Variants in SLC4A4 observed in about 807,000 individuals in gnomAD.
The protein encoded by SLC4A4 is solute carrier family 4 member 4, also known as electrogenic sodium bicarbonate cotransporter 1.
A neutral mutation model predicts 111.5 loss-of-function variants in SLC4A4; 27 were observed. That is an observed-to-expected ratio of 0.24 (90% confidence interval 0.18 to 0.33). SLC4A4 has a LOEUF of 0.33. Ranked by LOEUF, SLC4A4 falls within the 10% of genes least tolerant of loss-of-function variation. The pLI is 1.00. For missense variants in SLC4A4, 909 were observed against 1,315.5 expected (o/e 0.69, Z 4.78); for synonymous variants, 443 against 463.4 (o/e 0.96, Z 0.57).
intron 1 of SLC4A4, among the ~76,000 whole-genome samples, chr4:71,088,234 CT>C (rs566407120): frequency 0.12 from 17,025 of 145,212 alleles, 1,362 homozygotes; most frequent in African/African-American, 0.23. Context: ...CAATACCTGC[CT>C]TTTTTTTTTT....
chr4:71,374,946 C>G (rs866170404), intron 6 of SLC4A4, among the ~76,000 whole-genome samples: 39 of 152,310 alleles, frequency 2.6e-4, no homozygotes, highest in African/African-American at 9.4e-4. Context: ...TTTCTCCCTT[C>G]TTTCGGACTT....
intron 2 of SLC4A4, among the ~76,000 whole-genome samples, chr4:71,129,665 A>G (rs994602986): frequency 6.6e-6 from 1 of 152,010 alleles, no homozygotes; most frequent in Non-Finnish European, 1.5e-5. Context: ...CACACATCAC[A>G]TGTATGTTCA....
intron 15 of SLC4A4, among the ~76,000 whole-genome samples, chr4:71,490,504 G>T (rs1194041430): frequency 6.6e-6 from 1 of 151,710 alleles, no homozygotes; most frequent in Non-Finnish European, 1.5e-5. Flanking sequence ...CTTTTTGGGG[G>T]ATCTTTCTTT....
At chr4:71,177,602 A>T (rs1745138980) in intron 2 of SLC4A4, among the ~76,000 whole-genome samples, 2 of 152,240 alleles carry the variant, frequency 1.3e-5, no homozygotes, top group Non-Finnish European at 2.9e-5. Flanking sequence ...ATAATGGTAA[A>T]GGGATCAATT....
At chr4:71,529,670 T>C (rs1408433813) in intron 16 of SLC4A4, among the ~76,000 whole-genome samples, 2 of 152,162 alleles carry the variant, frequency 1.3e-5, no homozygotes, top group African/African-American at 2.4e-5. Flanking sequence ...TGGGAATTTC[T>C]ACCAAAGAAT....
intron 3 of SLC4A4, among the ~76,000 whole-genome samples, chr4:71,317,079 T>C (rs1256748488): frequency 6.3e-4 from 14 of 22,384 alleles, no homozygotes; most frequent in Non-Finnish European, 1.2e-3. Context: ...TGTGTGCGTG[T>C]GTGTGTGTGT....
At chr4:71,284,864 T>C (rs928763704) in intron 3 of SLC4A4, among the ~76,000 whole-genome samples, 1 of 152,226 alleles carries the variant, frequency 6.6e-6, no homozygotes, top group Admixed American at 6.5e-5. Flanking sequence ...GGTTTCCTGA[T>C]GTTCCCTGAC....
intron 1 of SLC4A4, among the ~76,000 whole-genome samples, chr4:71,075,016 T>G (rs1741769475): frequency 6.6e-6 from 1 of 152,062 alleles, no homozygotes; most frequent in South Asian, 2.1e-4. Context: ...CAAGGCTTAA[T>G]TCAGAAGCCA....
chr4:71,101,447 T>G (rs77150542), intron 2 of SLC4A4, among the ~76,000 whole-genome samples: 123 of 152,308 alleles, frequency 8.1e-4, no homozygotes, highest in African/African-American at 2.8e-3. Flanking sequence ...AATTATATTC[T>G]TACTGTTGTG....
At chr4:71,557,561 C>T (rs1466704042) in intron 21 of SLC4A4, 151 bp from the exon 22 acceptor site, 1 of 741,910 alleles carries the variant, frequency 1.3e-6, no homozygotes, top group African/African-American at 1.7e-5. Flanking sequence ...GTGTGCTTGA[C>T]TAAATTTCTG....
chr4:71,315,918 G>T lies in SLC4A4; in HGVS notation c.254-23452G>T, dbSNP rs191134320. ...GTTCCATTTCACCACTTCCTGGGTA[G>T]TGACAGTGGTACAATCTTTAGCTTC... On this transcript the variant is annotated intron_variant, in intron 3 of 25. Transcript: ENST00000264485. 3.6e-3 allele frequency among the ~76,000 whole-genome samples: 544 copies of T among 152,232 alleles called. 3 individuals carry two copies. The highest frequency in any genetic ancestry group is 0.011 in the African/African-American group (478 of 41,566).
intron 2 of SLC4A4, among the ~76,000 whole-genome samples, chr4:71,095,301 G>T (rs1412163361): frequency 6.6e-6 from 1 of 152,210 alleles, no homozygotes; most frequent in African/African-American, 2.4e-5. Flanking sequence ...TTTCAGGAGG[G>T]AGGCTAAAGG....
intron 2 of SLC4A4, among the ~76,000 whole-genome samples, chr4:71,139,270 T>C (rs990157941): frequency 7.3e-5 from 11 of 151,644 alleles, no homozygotes; most frequent in Middle Eastern, 3.2e-3. Flanking sequence ...TGACTTTTGG[T>C]GTGAATTGGC....
intron 10 of SLC4A4, 121 bp downstream of exon 10, chr4:71,450,664 G>C: frequency 2.1e-6 from 2 of 954,370 alleles, no homozygotes; most frequent in Non-Finnish European, 3.2e-6. Context: ...TGTTTAACTT[G>C]ATGTATTTTC....
At chr4:71,162,073 A>G (rs1393707858) in intron 2 of SLC4A4, among the ~76,000 whole-genome samples, 3 of 152,206 alleles carry the variant, frequency 2.0e-5, no homozygotes, top group Admixed American at 6.5e-5. Flanking sequence ...TTCAATCAAC[A>G]TCACTTTGAA....
rs1168065621 is a variant in SLC4A4 at position 71,227,665 on chromosome 4, A to G, written c.-1-8911A>G. ...GTTTGGGTCTGGCTCTTGGTTGAAG[A>G]GCTGATGGTGGTGGGGAGGAGGGGA... On this transcript the variant is annotated intron_variant, in intron 1 of 25. Coordinates refer to ENST00000264485, the MANE Select transcript of SLC4A4 (RefSeq NM_001098484.3). Among the ~76,000 whole-genome samples the G allele has an allele frequency of 6.6e-5, 10 of 151,858 alleles. No homozygotes were observed. The East Asian group carries it at 1.9e-3, about 29-fold the overall frequency.
chr4:71,499,913 C>A (rs563460540), intron 16 of SLC4A4, among the ~76,000 whole-genome samples: 6 of 152,232 alleles, frequency 3.9e-5, no homozygotes, highest in Admixed American at 3.3e-4. Context: ...TCTTTGAGAT[C>A]ATGATTTCAT....
chr4:71,379,770 G>A (rs1430352875), intron 6 of SLC4A4, among the ~76,000 whole-genome samples: 1 of 152,092 alleles, frequency 6.6e-6, no homozygotes, highest in Admixed American at 6.6e-5. Context: ...AGAGTTTGGA[G>A]GGAACGATGA....
intron 7 of SLC4A4, among the ~76,000 whole-genome samples, chr4:71,411,126 T>C (rs1721325727): frequency 6.6e-6 from 1 of 152,158 alleles, no homozygotes; most frequent in Admixed American, 6.5e-5. Context: ...AAGACCTGCG[T>C]TATCCTGCCT....
Sources: gnomAD v4.1 joint callset for allele counts (sites outside exome capture counted in the v4.1 genomes callset) on GRCh38, gnomAD v4.1.1 for gene constraint, MANE v1.5 for transcripts, NCBI Gene and HGNC (gene_info 2026-07-23, HGNC 2026-07-21) for gene names.